Variants in ATXN7L1 observed in about 807,000 individuals in gnomAD.
ATXN7L1 encodes the protein ataxin-7-like protein 1.
ATXN7L1 carries 15 observed loss-of-function variants against 70.8 expected under a neutral mutation model. The observed-to-expected ratio is 0.21, with a 90% confidence interval of 0.14 to 0.33. The LOEUF is 0.33. Among genes scored for constraint, ATXN7L1 ranks in the 10% least tolerant of loss-of-function variants. ATXN7L1 has a pLI of 1.00. For synonymous variants in ATXN7L1, 440 were observed against 445.1 expected (o/e 0.99, Z 0.14); for missense variants, 975 against 1,097.1 (o/e 0.89, Z 1.57).
chr7:105,658,433 A>G (rs1801032326), intron 4 of ATXN7L1, among the ~76,000 whole-genome samples: 1 of 152,130 alleles, frequency 6.6e-6, no homozygotes, highest in African/African-American at 2.4e-5. Context: ...GTGTCTAAAC[A>G]TATCTAAATA....
intron 2 of ATXN7L1, among the ~76,000 whole-genome samples, chr7:105,821,316 GGC>G (rs1810126291): frequency 6.6e-6 from 1 of 152,176 alleles, no homozygotes; most frequent in Non-Finnish European, 1.5e-5. Context: ...TGCGATTACA[GGC>G]GTGAGCCACC....
intron 4 of ATXN7L1, among the ~76,000 whole-genome samples, chr7:105,651,367 A>T (rs1308773946): frequency 1.3e-5 from 2 of 152,220 alleles, no homozygotes; most frequent in Non-Finnish European, 2.9e-5. Flanking sequence ...AACTCTAACT[A>T]AACCAAAAGG....
intron 3 of ATXN7L1, among the ~76,000 whole-genome samples, chr7:105,689,762 T>C (rs188619613): frequency 1.3e-5 from 2 of 152,022 alleles, no homozygotes; most frequent in East Asian, 3.9e-4. Flanking sequence ...CCAGAGCAAA[T>C]GGGGGCATGA....
intron 4 of ATXN7L1, among the ~76,000 whole-genome samples, chr7:105,651,984 T>A (rs1799917973): frequency 6.6e-6 from 1 of 152,194 alleles, no homozygotes; most frequent in African/African-American, 2.4e-5. Flanking sequence ...CTTCTGTTAT[T>A]CATGGCTTCC....
At position 105,778,510 on chromosome 7, in the gene ATXN7L1, C is replaced by CAAAAAAA. The variant is rs745820046; in HGVS notation, c.355+10087_355+10093dup. ...TGGGCAACAGAGGAAGACCCTATCT[C>CAAAAAAA]AAAAAAAAAAAAAAAAAAAAAAAAA... is the stretch of plus-strand genomic sequence containing the variant. On this transcript the variant is annotated intron_variant, in intron 3 of 11. Transcript: ENST00000419735. 2.8e-3 allele frequency among the ~76,000 whole-genome samples: 95 copies of CAAAAAAA among 33,954 alleles called. 1 individual carries two copies. The highest frequency in any genetic ancestry group is 0.013 in the East Asian group (19 of 1,446). 22.3% of individuals were successfully genotyped at this position (33,954 alleles called of 152,430 possible).
chr7:105,619,526 ATATATTTTTTTTTTTTTTTTTT>A (rs1211829172), intron 9 of ATXN7L1, among the ~76,000 whole-genome samples: 6 of 16,446 alleles, frequency 3.6e-4, no homozygotes, highest in South Asian at 3.2e-3. Flanking sequence ...ATATATATAT[ATATATTTTTTTTTTTTTTTTTT>A]TTTTTTTTTT....
intron 2 of ATXN7L1, among the ~76,000 whole-genome samples, chr7:105,831,494 G>A (rs1249962502): frequency 1.3e-5 from 2 of 152,168 alleles, no homozygotes; most frequent in Admixed American, 6.5e-5. Flanking sequence ...TAAAAAGGTC[G>A]TGGCCGAGGA....
At chr7:105,788,749 T>C in intron 2 of ATXN7L1, 41 bp from the exon 3 acceptor site, 5 of 1,495,320 alleles carry the variant, frequency 3.3e-6, no homozygotes, top group Non-Finnish European at 4.7e-6. Context: ...GAAAAAGCAA[T>C]TAAGTCTCAG....
chr7:105,810,044 C>T (rs1808206034), intron 2 of ATXN7L1, among the ~76,000 whole-genome samples: 1 of 152,176 alleles, frequency 6.6e-6, no homozygotes. Flanking sequence ...AGTGTTGAGA[C>T]TACAGGTGTG....
chr7:105,754,091 T>A (rs1451366821), intron 3 of ATXN7L1, among the ~76,000 whole-genome samples: 1 of 152,206 alleles, frequency 6.6e-6, no homozygotes, highest in African/African-American at 2.4e-5. Flanking sequence ...AATACTTCTA[T>A]GACCCAAAAC....
At chr7:105,678,767 G>A (rs577716502) in intron 3 of ATXN7L1, among the ~76,000 whole-genome samples, 39 of 152,168 alleles carry the variant, frequency 2.6e-4, no homozygotes, top group Admixed American at 9.2e-4. Context: ...TTCTCAGGCC[G>A]GAGGCTGGTG....
At chr7:105,751,754 C>T (rs1188307668) in intron 3 of ATXN7L1, among the ~76,000 whole-genome samples, 1 of 152,242 alleles carries the variant, frequency 6.6e-6, no homozygotes, top group Non-Finnish European at 1.5e-5. Flanking sequence ...CCATTTACCA[C>T]TAGACTTGAA....
At chr7:105,851,451 T>A (rs1408282788) in intron 2 of ATXN7L1, among the ~76,000 whole-genome samples, 1 of 152,206 alleles carries the variant, frequency 6.6e-6, no homozygotes, top group Non-Finnish European at 1.5e-5. Context: ...TGTCAGTCTA[T>A]CTCCCAGTAA....
At chr7:105,695,492 C>A (rs758365753) in intron 3 of ATXN7L1, among the ~76,000 whole-genome samples, 91 of 152,152 alleles carry the variant, frequency 6.0e-4, no homozygotes, top group Non-Finnish European at 1.1e-3. Flanking sequence ...CCAGTTTGCA[C>A]CCCATCCTTT....
chr7:105,789,944 A>C (rs764147589), intron 2 of ATXN7L1, among the ~76,000 whole-genome samples: 79 of 152,172 alleles, frequency 5.2e-4, no homozygotes, highest in Non-Finnish European at 1.0e-3. Flanking sequence ...GTGGATAAAC[A>C]AAATACCACA....
chr7:105,614,395 G>C lies in ATXN7L1; in HGVS notation c.1939C>G (p.Pro647Ala). Residue 647 changes from proline (P) to alanine (A), a missense_variant, in exon 10 of 12, where the codon CCA becomes GCA. Coordinates refer to ENST00000419735, the MANE Select transcript of ATXN7L1 (RefSeq NM_020725.2). This position sits in a 1 kb window ranked among gnomAD's most constrained non-coding sequence, Gnocchi z 4.3. ...DESPSNKKRK[P>A]QSSTSSSSSS... The stretch of plus-strand genomic sequence containing the variant: ...GAGGAGGAGGAAGTCGAAGACTGTG[G>C]CTTCCTTTTTTTGTTACTTGGAGAC... 5 of 1,552,036 alleles carry C rather than the reference G, an allele frequency of 3.2e-6. No individual in the cohort carries two copies. Among genetic ancestry groups the C allele is most frequent in the Non-Finnish European group, 4.4e-6 (5 of 1,147,010 alleles).
chr7:105,618,924 C>T (rs903076420), intron 9 of ATXN7L1, among the ~76,000 whole-genome samples: 2 of 152,032 alleles, frequency 1.3e-5, no homozygotes, highest in Admixed American at 6.6e-5. Flanking sequence ...AGTAAAGGAA[C>T]TTAAGAGAAA....
intron 3 of ATXN7L1, among the ~76,000 whole-genome samples, chr7:105,730,325 T>C (rs181471792): frequency 3.3e-5 from 5 of 152,022 alleles, no homozygotes; most frequent in East Asian, 1.9e-4. Flanking sequence ...AGAAAACACA[T>C]CAGGCAAATA....
rs561096957 is a variant in ATXN7L1, at chr7:105,808,397, C to T, written c.251-19689G>A. Among the ~76,000 whole-genome samples the T allele has an allele frequency of 2.0e-5, 3 of 152,350 alleles. No individual in the cohort carries two copies. The South Asian group carries it at 6.2e-4, about 32-fold the overall frequency. On this transcript the variant is annotated intron_variant, in intron 2 of 11. Coordinates refer to ENST00000419735, the MANE Select transcript of ATXN7L1 (RefSeq NM_020725.2). ...CCACTCAGCAAGGAGCTTGCTGCTT[C>T]TGTTTCCAGAGAGGCGGAAAAATGA...
Sources: allele counts gnomAD v4.1 joint callset (sites outside exome capture counted in the v4.1 genomes callset), GRCh38; gene constraint gnomAD v4.1.1; non-coding constraint Gnocchi (gnomAD v3.1); transcripts MANE v1.5; gene names NCBI Gene and HGNC (gene_info 2026-07-23, HGNC 2026-07-21).